The following PHF21A variants were observed in gnomAD, a reference collection of about 807,000 sequenced individuals.
PHF21A encodes the protein BHC80a.
PHF21A carries 11 observed loss-of-function variants against 82.5 expected under a neutral mutation model. The ratio of observed to expected loss-of-function variants is 0.13; its 90% CI spans 0.08 to 0.22. The LOEUF is 0.22. Ranked by LOEUF, PHF21A falls within the 10% of genes least tolerant of loss-of-function variation. The probability of loss-of-function intolerance (pLI) is 1.00; values close to 1 mark genes in which losing one functional copy is unlikely to be tolerated. For missense variants in PHF21A, 579 were observed against 837.8 expected (o/e 0.69, Z 3.81); for synonymous variants, 297 against 302.8 (o/e 0.98, Z 0.20).
At chr11:45,974,704 C>T (rs375180158) in intron 7 of PHF21A, among the ~76,000 whole-genome samples, 8 of 152,028 alleles carry the variant, frequency 5.3e-5, no homozygotes, top group African/African-American at 1.7e-4. Context: ...CCTCCCACAT[C>T]GGCCTCCCAA....
intron 10 of PHF21A, among the ~76,000 whole-genome samples, chr11:45,963,249 G>A (rs1283120947): frequency 4.6e-5 from 7 of 151,528 alleles, no homozygotes; most frequent in African/African-American, 9.7e-5. Flanking sequence ...GTGAAACTCC[G>A]TCTCTACTAA....
intron 11 of PHF21A, among the ~76,000 whole-genome samples, chr11:45,953,201 G>C (rs1302073856): frequency 4.6e-5 from 7 of 152,216 alleles, no homozygotes; most frequent in African/African-American, 1.7e-4. Context: ...GTAATGATTA[G>C]GAATGTAATG....
In PHF21A at chr11:46,050,831, T is replaced by G. The variant is rs533259296; in HGVS notation, c.153+25923A>C. 6.6e-5 allele frequency among the ~76,000 whole-genome samples: 10 copies of G among 152,306 alleles called. No homozygotes were observed. In the East Asian group the frequency reaches 1.9e-3, roughly 29 times the overall value. ...AAAGGAAGTATGTCCAGCAACTGAGTATGTGTGCAGGACTACAGCTATGGC... is the reference window on the plus strand; with the variant it reads ...AAAGGAAGTATGTCCAGCAACTGAGGATGTGTGCAGGACTACAGCTATGGC... On this transcript the variant is annotated intron_variant, in intron 6 of 18. Transcript: ENST00000676320.
At chr11:46,017,017 C>G (rs1382927906) in intron 6 of PHF21A, among the ~76,000 whole-genome samples, 1 of 151,790 alleles carries the variant, frequency 6.6e-6, no homozygotes, top group African/African-American at 2.4e-5. Flanking sequence ...GTCACCCAGG[C>G]TGGAGTGCAG....
intron 6 of PHF21A, among the ~76,000 whole-genome samples, chr11:46,004,497 A>G (rs2095243441): frequency 6.6e-6 from 1 of 152,184 alleles, no homozygotes. Context: ...ATTAAAAGCT[A>G]CTTAAAACAT....
intron 10 of PHF21A, among the ~76,000 whole-genome samples, chr11:45,954,390 C>T (rs1001148358): frequency 6.6e-6 from 1 of 152,118 alleles, no homozygotes; most frequent in Admixed American, 6.6e-5. Context: ...TCTCCTATTT[C>T]GGAACAATTC....
intron 4 of PHF21A, among the ~76,000 whole-genome samples, chr11:46,082,653 G>C (rs545892554): frequency 7.2e-5 from 11 of 152,098 alleles, no homozygotes; most frequent in Non-Finnish European, 1.3e-4. Flanking sequence ...TATCCCTTTT[G>C]AGTCAACAAA....
At chr11:45,969,629 G>T (rs1300165134) in intron 9 of PHF21A, among the ~76,000 whole-genome samples, 186 bp downstream of exon 9, 1 of 152,112 alleles carries the variant, frequency 6.6e-6, no homozygotes, top group Non-Finnish European at 1.5e-5. Flanking sequence ...ACTGCCTTTG[G>T]TCATTGCTAA....
chr11:45,981,952 T>C (rs2094312186), intron 6 of PHF21A, among the ~76,000 whole-genome samples: 1 of 142,830 alleles, frequency 7.0e-6, no homozygotes, highest in Non-Finnish European at 1.5e-5. Flanking sequence ...TTTTTTTTTT[T>C]TTTTTTTTTT....
chr11:45,975,322 CAAAAT>C (rs58576083), intron 7 of PHF21A, among the ~76,000 whole-genome samples: 3,581 of 112,044 alleles, frequency 0.032, 118 homozygotes, highest in African/African-American at 0.08. Context: ...TCAAAGAAAA[CAAAAT>C]AAAATAAAAT....
At chr11:45,953,408 T>G (rs1460545347) in intron 11 of PHF21A, 119 bp downstream of exon 11, 1 of 692,774 alleles carries the variant, frequency 1.4e-6, no homozygotes, top group Non-Finnish European at 2.6e-6. Flanking sequence ...ATAATAAAAG[T>G]GCATAAGAAA....
intron 1 of PHF21A, among the ~76,000 whole-genome samples, chr11:46,113,837 A>G (rs2097254498): frequency 6.6e-6 from 1 of 152,162 alleles, no homozygotes; most frequent in Non-Finnish European, 1.5e-5. Context: ...AAAAAAAAAA[A>G]AAAAAAGTTT....
intron 7 of PHF21A, 39 bp from the exon 8 acceptor site, chr11:45,971,406 T>C: frequency 6.4e-7 from 1 of 1,556,390 alleles, no homozygotes; most frequent in Non-Finnish European, 8.8e-7. Flanking sequence ...ACACTAAATC[T>C]AAACTAAATA....
chr11:46,038,157 T>C (rs1042098357), intron 6 of PHF21A, among the ~76,000 whole-genome samples: 31 of 152,028 alleles, frequency 2.0e-4, no homozygotes, highest in African/African-American at 7.5e-4. Context: ...GTTTTGCTTT[T>C]TTTTTGTCAC....
At chr11:46,087,260 GAAAAGA>G (rs1285585850) in intron 3 of PHF21A, among the ~76,000 whole-genome samples, 1 of 152,126 alleles carries the variant, frequency 6.6e-6, no homozygotes, top group Non-Finnish European at 1.5e-5. Flanking sequence ...AAATGCTCAG[GAAAAGA>G]AAAAGTTAAA....
At chr11:46,002,885 T>C (rs1020452271) in intron 6 of PHF21A, among the ~76,000 whole-genome samples, 1 of 152,140 alleles carries the variant, frequency 6.6e-6, no homozygotes, top group Non-Finnish European at 1.5e-5. Context: ...CCCAATGTAT[T>C]TAACATTAAG....
intron 6 of PHF21A, among the ~76,000 whole-genome samples, chr11:46,071,733 C>CA (rs10712240): frequency 3.7e-4 from 54 of 147,892 alleles, no homozygotes; most frequent in African/African-American, 1.1e-3. Context: ...TGATAATAGC[C>CA]AAAAAAAAAA....
intron 6 of PHF21A, among the ~76,000 whole-genome samples, chr11:46,032,129 G>C (rs1368743133): frequency 6.6e-6 from 1 of 152,134 alleles, no homozygotes; most frequent in South Asian, 2.1e-4. Context: ...AGATAGCCTA[G>C]AGCAATGTCC....
At chr11:45,978,041 C>T (rs911188825) in intron 7 of PHF21A, among the ~76,000 whole-genome samples, 1 of 152,078 alleles carries the variant, frequency 6.6e-6, no homozygotes, top group Non-Finnish European at 1.5e-5. Flanking sequence ...GTGGCTCACA[C>T]CTGTAATCCT....
Sources: allele counts gnomAD v4.1 joint callset (sites outside exome capture counted in the v4.1 genomes callset), GRCh38; gene constraint gnomAD v4.1.1; transcripts MANE v1.5; gene names NCBI Gene and HGNC (gene_info 2026-07-23, HGNC 2026-07-21).